The following COLEC12 variants were observed in gnomAD, a reference collection of about 807,000 sequenced individuals.
COLEC12 encodes the protein collectin-12.
COLEC12 carries 33 observed loss-of-function variants against 71.1 expected under a neutral mutation model. The observed-to-expected ratio is 0.46, with a 90% CI of 0.35 to 0.62. The LOEUF (loss-of-function observed/expected upper bound fraction) is 0.62. Ranked by LOEUF, COLEC12 falls within the 20% of genes least tolerant of loss-of-function variation. COLEC12 has a pLI of 0.00. For missense variants in COLEC12, 765 were observed against 916.1 expected, an observed-to-expected ratio of 0.84 and a Z score of 2.13; for synonymous variants, 350 against 353.0, an observed-to-expected ratio of 0.99 and a Z score of 0.10.
intron 2 of COLEC12, among the ~76,000 whole-genome samples, chr18:466,492 G>T (rs1487303541): frequency 6.6e-6 from 1 of 152,058 alleles, no homozygotes; most frequent in Non-Finnish European, 1.5e-5. Flanking sequence ...TTGATTTGGG[G>T]TCTAGGCTCT....
intron 5 of COLEC12, among the ~76,000 whole-genome samples, chr18:337,966 C>A (rs1197958940): frequency 2.6e-5 from 4 of 152,120 alleles, no homozygotes; most frequent in African/African-American, 7.2e-5. Context: ...GATCTTCCTA[C>A]CTGTGATTCC....
chr18:321,857 T>C (rs1260228909), intron 8 of COLEC12, 50 bp from the exon 9 acceptor site: 1 of 1,551,772 alleles, frequency 6.4e-7, no homozygotes, highest in East Asian at 2.3e-5. Context: ...ATGCAGAGCT[T>C]TTCTTTACTC....
intron 2 of COLEC12, among the ~76,000 whole-genome samples, chr18:423,566 C>A (rs996700166): frequency 1.3e-5 from 2 of 152,078 alleles, no homozygotes; most frequent in Admixed American, 6.5e-5. Context: ...TCAGTGAATG[C>A]CTTCCTAGAA....
Position 495,228 on chromosome 18 carries a change from A to G in COLEC12, c.7+5280T>C, listed in dbSNP as rs559475198. On this transcript the variant is annotated intron_variant, in intron 1 of 9. Transcript: ENST00000400256. ...CTTGACTAAGAAGTTACTTCCCTTA[A>G]GGTTTGGATGGTTGGTGTGGTTAGA... Among the ~76,000 whole-genome samples, 11 of 152,342 alleles carry G rather than the reference A, an allele frequency of 7.2e-5. No individual in the cohort carries two copies. The East Asian group carries it at 1.9e-3, about 27-fold the overall frequency.
chr18:357,338 T>A, intron 3 of COLEC12, 62 bp downstream of exon 3: 1 of 1,503,710 alleles, frequency 6.7e-7, no homozygotes, highest in South Asian at 1.3e-5. Flanking sequence ...ATGAGTTTTC[T>A]CATGCTTAAA....
At chr18:463,146 C>T (rs2621174) in intron 2 of COLEC12, among the ~76,000 whole-genome samples, 85,589 of 152,104 alleles carry the variant, frequency 0.56, 24,298 homozygotes, top group South Asian at 0.71. Context: ...CCAGAAAAAG[C>T]TTCCAACCTC....
intron 6 of COLEC12, 184 bp from the exon 7 acceptor site, chr18:333,327 G>A (rs1438553202): frequency 3.7e-6 from 2 of 536,152 alleles, no homozygotes; most frequent in African/African-American, 3.8e-5. Context: ...GTGGACTGCA[G>A]AGCACAAGCC....
At chr18:449,832 G>A (rs72865611) in intron 2 of COLEC12, among the ~76,000 whole-genome samples, 2,854 of 152,314 alleles carry the variant, frequency 0.019, 61 homozygotes, top group Non-Finnish European at 0.023. Flanking sequence ...CTTTCTCAGA[G>A]CTGCACTGCA....
At chr18:320,134 A>C in intron 9 of COLEC12, 70 bp from the exon 10 acceptor site, 1 of 870,388 alleles carries the variant, frequency 1.1e-6, no homozygotes, top group Non-Finnish European at 1.9e-6. Flanking sequence ...ATTCAAAAAA[A>C]GGGAACGTGT....
chr18:388,862 G>A (rs1262716297), intron 2 of COLEC12, among the ~76,000 whole-genome samples: 1 of 152,102 alleles, frequency 6.6e-6, no homozygotes, highest in Non-Finnish European at 1.5e-5. Context: ...CTCCAACTCT[G>A]CACTGCTCTT....
intron 1 of COLEC12, among the ~76,000 whole-genome samples, chr18:490,427 T>TA (rs1186703849): frequency 3.9e-5 from 6 of 152,088 alleles, no homozygotes; most frequent in African/African-American, 4.8e-5. Context: ...AAGAAAATGG[T>TA]AAAAAAAGTT....
At chr18:427,911 C>T (rs1010269884) in intron 2 of COLEC12, among the ~76,000 whole-genome samples, 3 of 152,146 alleles carry the variant, frequency 2.0e-5, no homozygotes, top group African/African-American at 7.2e-5. Context: ...TGTTTATCAT[C>T]GTTTAAAAAC....
intron 1 of COLEC12, among the ~76,000 whole-genome samples, chr18:485,834 C>A (rs1410019620): frequency 6.6e-6 from 1 of 152,206 alleles, no homozygotes; most frequent in Non-Finnish European, 1.5e-5. Context: ...CTTGTATGCT[C>A]CCTTGTATCA....
intron 2 of COLEC12, among the ~76,000 whole-genome samples, chr18:449,649 G>A (rs1916719594): frequency 6.6e-6 from 1 of 152,192 alleles, no homozygotes; most frequent in African/African-American, 2.4e-5. Flanking sequence ...CTCCAGCACT[G>A]CCCCTCTCAA....
chr18:421,303 A>G lies in COLEC12; in HGVS notation c.58+59404T>C, dbSNP rs930144299. On this transcript the variant is annotated intron_variant, in intron 2 of 9. Coordinates refer to ENST00000400256, the MANE Select transcript of COLEC12 (RefSeq NM_130386.3). ...ATGTATAAAGGTATGACTCATTCCTATCTTGAAATACTTCACTATTCCCTA... is the reference window on the plus strand; with the variant it reads ...ATGTATAAAGGTATGACTCATTCCTGTCTTGAAATACTTCACTATTCCCTA... Among the ~76,000 whole-genome samples the G allele has an allele frequency of 3.3e-5, 5 of 152,206 alleles. No individual in the cohort carries two copies. The South Asian group carries it at 6.2e-4, about 19-fold the overall frequency.
intron 2 of COLEC12, among the ~76,000 whole-genome samples, chr18:407,963 A>G (rs1289761854): frequency 6.6e-6 from 1 of 152,262 alleles, no homozygotes; most frequent in Non-Finnish European, 1.5e-5. Flanking sequence ...TGATCTGGAT[A>G]TATAGTCAGA....
At chr18:471,187 G>A (rs1315530770) in intron 2 of COLEC12, among the ~76,000 whole-genome samples, 3 of 152,184 alleles carry the variant, frequency 2.0e-5, no homozygotes, top group African/African-American at 7.2e-5. Context: ...CCAAATGTCA[G>A]TATTCAAAAA....
chr18:407,145 A>G (rs1915807176), intron 2 of COLEC12, among the ~76,000 whole-genome samples: 1 of 152,224 alleles, frequency 6.6e-6, no homozygotes, highest in Non-Finnish European at 1.5e-5. Context: ...TTGAGGTGGA[A>G]CCTCAGAGAG....
intron 2 of COLEC12, among the ~76,000 whole-genome samples, chr18:434,580 G>A (rs576788096): frequency 1.3e-5 from 2 of 152,194 alleles, no homozygotes; most frequent in South Asian, 4.1e-4. Flanking sequence ...ACAGTTCTTT[G>A]TCACTGTCCT....
Sources: gnomAD v4.1 joint callset for allele counts (sites outside exome capture counted in the v4.1 genomes callset) on GRCh38, gnomAD v4.1.1 for gene constraint, MANE v1.5 for transcripts, NCBI Gene and HGNC (gene_info 2026-07-23, HGNC 2026-07-21) for gene names.